CPT1C: variants seen among roughly 807,000 people sequenced by gnomAD.
CPT1C encodes palmitoyl thioesterase CPT1C.
CPT1C carries 61 observed loss-of-function variants against 97.3 expected under a neutral mutation model. The ratio of observed to expected loss-of-function variants is 0.63; its 90% CI spans 0.51 to 0.78. The LOEUF (loss-of-function observed/expected upper bound fraction) is 0.78, where lower values mean the gene tolerates loss of function less well. Among genes scored for constraint, CPT1C ranks in the 30% least tolerant of loss-of-function variants. The pLI is 0.00. For missense variants in CPT1C, 975 were observed against 1,065.5 expected, an observed-to-expected ratio of 0.92 and a Z score of 1.18; for synonymous variants, 469 against 447.2, an observed-to-expected ratio of 1.05 and a Z score of -0.61.
chr19:49,708,923 C>G lies in CPT1C; in HGVS notation c.1566+84C>G, dbSNP rs940814290. 5 of 884,040 alleles carry G rather than the reference C, an allele frequency of 5.7e-6. No homozygotes were observed. In the Admixed American group the frequency reaches 1.1e-4, roughly 20 times the overall value. 54.8% of individuals were successfully genotyped at this position (884,040 alleles called of 1,614,324 possible). Reference sequence around the variant, plus strand: ...AACTCATCCCCACCCCTAATCTGAACGTGAAAATCAACCCCATTCCTACCC... The same window carrying G: ...AACTCATCCCCACCCCTAATCTGAAGGTGAAAATCAACCCCATTCCTACCC... On this transcript the variant is annotated intron_variant, in intron 14 of 19. Transcript: ENST00000598293.
In CPT1C at chr19:49,692,403, G is replaced by A. The variant is rs138313329; in HGVS notation, c.141+10G>A. ...TCTCTCACGTTTCTGGGTGAGGAGC[G>A]GTGCTGGTCGGTTTCCTTCCGGGGA... On this transcript the variant is annotated intron_variant, in intron 3 of 19. Transcript: ENST00000598293. 6.1e-5 allele frequency: 98 copies of A among 1,613,712 alleles called. No individual in the cohort carries two copies. The African/African-American group carries it at 1.1e-3, about 19-fold the overall frequency.
In CPT1C at chr19:49,691,906, G is replaced by A. The variant is rs908925191; in HGVS notation, c.-15+17G>A. The stretch of plus-strand genomic sequence containing the variant: ...ACCCTTCAGGTGCTTAGAGAAGGAT[G>A]AGCTAGGTTATGTAGTCCTGGGTCG... On this transcript the variant is annotated intron_variant, in intron 2 of 19. Transcript: ENST00000598293. 1 of 267,312 alleles carries A rather than the reference G, an allele frequency of 3.7e-6. No individual in the cohort carries two copies. Among genetic ancestry groups the A allele is most frequent in the Admixed American group, 4.8e-5 (1 of 20,622 alleles). The allele number at this position is 267,312 out of a possible 1,614,324, so 16.6% of individuals were successfully genotyped here. A position where few individuals can be genotyped will look rare whatever the true frequency, so the allele number is the denominator to read the frequency against.
At chr19:49,712,081 G>A (rs112638321) in intron 17 of CPT1C, 120 bp downstream of exon 17, 47,944 of 1,237,812 alleles carry the variant, frequency 0.039, 1,999 homozygotes, top group Admixed American at 0.15. Flanking sequence ...GGTGGCTCAC[G>A]CCTGTAATCC....
rs746575054 is a variant in CPT1C at position 49,706,124 on chromosome 19, G to A, written c.1160+20G>A. On this transcript the variant is annotated intron_variant, in intron 11 of 19. Coordinates refer to ENST00000598293, the MANE Select transcript of CPT1C (RefSeq NM_001199753.2). The surrounding 1 kb of genome is among the most constrained non-coding windows in gnomAD (Gnocchi z 4.8). ...TCCCAGGTAAGGGTCAGGGGTCAGG[G>A]GTCAGGGGCTCTCAGAGGCCGCCAG... 4.4e-6 allele frequency: 7 copies of A among 1,600,546 alleles called. No homozygotes were observed. Among genetic ancestry groups the A allele is most frequent in the Non-Finnish European group, 5.1e-6 (6 of 1,172,096 alleles).
At position 49,692,221 on chromosome 19, in the gene CPT1C, T is replaced by C; in HGVS notation, c.-14-18T>C. On this transcript the variant is annotated intron_variant, in intron 2 of 19. Coordinates refer to ENST00000598293, the MANE Select transcript of CPT1C (RefSeq NM_001199753.2). ...GCGGAGGGGCTGGGGTCCTGAAGTA[T>C]GACTCTGCCCGACTCAGGGCTCCAG... 1 of 1,610,876 alleles carries C rather than the reference T, an allele frequency of 6.2e-7. No homozygotes were observed. Among genetic ancestry groups the C allele is most frequent in the Non-Finnish European group, 8.5e-7 (1 of 1,179,658 alleles).
intron 3 of CPT1C, among the ~76,000 whole-genome samples, chr19:49,692,984 G>C (rs1217201975): frequency 6.6e-6 from 1 of 152,166 alleles, no homozygotes. Flanking sequence ...CACCTCCCAG[G>C]TTCAAGCGAT....
intron 7 of CPT1C, 39 bp downstream of exon 7, chr19:49,701,673 G>A: frequency 1.3e-6 from 2 of 1,560,090 alleles, no homozygotes; most frequent in Non-Finnish European, 1.7e-6. Flanking sequence ...CACCTGAAGG[G>A]CTAAGGTTGT....
intron 14 of CPT1C, among the ~76,000 whole-genome samples, chr19:49,709,640 C>T (rs2083727268): frequency 6.6e-6 from 1 of 151,096 alleles, no homozygotes; most frequent in Non-Finnish European, 1.5e-5. Flanking sequence ...CTGCAACCTC[C>T]ATCTCCCAGG....
Position 49,702,822 on chromosome 19 carries a change from A to G in CPT1C, c.693+1188A>G, listed in dbSNP as rs80065206. 2.1e-4 allele frequency among the ~76,000 whole-genome samples: 32 copies of G among 151,736 alleles called. No individual in the cohort carries two copies. The East Asian group carries it at 6.2e-3, about 29-fold the overall frequency. On this transcript the variant is annotated intron_variant, in intron 7 of 19. Coordinates refer to ENST00000598293, the MANE Select transcript of CPT1C (RefSeq NM_001199753.2). ...AAGACTGGAGGGCGGGAGGCTGCAG[A>G]GGAAGCTACCGTGAGACCTACCATT...
At chr19:49,708,910 C>A in intron 14 of CPT1C, 71 bp downstream of exon 14, 2 of 956,036 alleles carry the variant, frequency 2.1e-6, no homozygotes, top group Non-Finnish European at 3.3e-6. Flanking sequence ...CTCATCCCCA[C>A]CCCTAATCTG....
rs371844232 is a variant in CPT1C at position 49,706,366 on chromosome 19, G to C, written c.1296G>C (p.Ser432=). ...TCACCAGGGAGGACCCGGCAGCGTCGTTGGATGCCTACGCCCATGCTCTGC... is the reference window on the plus strand; with the variant it reads ...TCACCAGGGAGGACCCGGCAGCGTCCTTGGATGCCTACGCCCATGCTCTGC... ...AGLTREDPAA[S]LDAYAHALLA... Residue 432 remains serine (S), a synonymous_variant, in exon 12 of 20, where the codon TCG becomes TCC. Coordinates refer to ENST00000598293, the MANE Select transcript of CPT1C (RefSeq NM_001199753.2). The surrounding 1 kb of genome is among the most constrained non-coding windows in gnomAD (Gnocchi z 4.8). 1 of 1,508,932 alleles carries C rather than the reference G, an allele frequency of 6.6e-7. No individual in the cohort carries two copies. Among genetic ancestry groups the C allele is most frequent in the Non-Finnish European group, 8.8e-7 (1 of 1,133,932 alleles). The allele number at this position is 1,508,932 out of a possible 1,614,324, so 93.5% of individuals were successfully genotyped here.
Position 49,706,268 on chromosome 19 carries a change from C to CA in CPT1C, c.1199dup (p.Ala401GlyfsTer20). On this transcript the variant is annotated frameshift_variant, in exon 12 of 20. Transcript: ENST00000598293. LOFTEE classifies it high-confidence loss of function. The surrounding 1 kb of genome is among the most constrained non-coding windows in gnomAD (Gnocchi z 4.8). Reference sequence around the variant, plus strand: ...CCAGGTGCGGACATCCCTGAAGACCCAGGCAGCGGAGGCCCTGGAGGCGGT... The same window carrying CA: ...CCAGGTGCGGACATCCCTGAAGACCCAAGGCAGCGGAGGCCCTGGAGGCGGT... 1 of 1,539,846 alleles carries CA rather than the reference C, an allele frequency of 6.5e-7. No individual in the cohort carries two copies. Among genetic ancestry groups the CA allele is most frequent in the Non-Finnish European group, 8.7e-7 (1 of 1,146,134 alleles).
At chr19:49,703,422 G>A (rs1238753014) in intron 7 of CPT1C, among the ~76,000 whole-genome samples, 2 of 148,196 alleles carry the variant, frequency 1.3e-5, no homozygotes, top group Non-Finnish European at 3.0e-5. Context: ...GGATGGTCTC[G>A]ACCTCCTGAC....
In CPT1C at chr19:49,713,613, C is replaced by T. The variant is rs373018685; in HGVS notation, c.*8C>T. 524 of 1,603,292 alleles carry T rather than the reference C, an allele frequency of 3.3e-4. 1 individual carries two copies. Among genetic ancestry groups the T allele is most frequent in the Non-Finnish European group, 4.4e-4 (511 of 1,174,676 alleles). Reference sequence around the variant, plus strand: ...ACATCCACCGACTTCTGACTCCTTCCAGCAGGCAGCTGGCCTCTCCAAGGA... The same window carrying T: ...ACATCCACCGACTTCTGACTCCTTCTAGCAGGCAGCTGGCCTCTCCAAGGA... On this transcript the variant is annotated 3_prime_UTR_variant, in exon 20 of 20. Transcript: ENST00000598293.
chr19:49,694,503 C>T (rs1302519204), intron 3 of CPT1C, among the ~76,000 whole-genome samples: 1 of 151,900 alleles, frequency 6.6e-6, no homozygotes, highest in East Asian at 1.9e-4. Context: ...GTGGCAGGCA[C>T]CTGTAATCAC....
At chr19:49,696,288 T>C (rs1011226446) in intron 3 of CPT1C, among the ~76,000 whole-genome samples, 1 of 152,098 alleles carries the variant, frequency 6.6e-6, no homozygotes, top group Non-Finnish European at 1.5e-5. Flanking sequence ...ATGTAGTAAG[T>C]GCTCATTAAA....
rs1386813346 is a variant in CPT1C at position 49,700,881 on chromosome 19, AG to A, written c.453+28del. 5 of 1,599,876 alleles carry A rather than the reference AG, an allele frequency of 3.1e-6. No homozygotes were observed. The African/African-American group carries it at 6.7e-5, about 21-fold the overall frequency. The stretch of plus-strand genomic sequence containing the variant: ...GTATGGGAGGGGCATAGCCCTGCTC[AG>A]GCTCTCCTGGGACCCGCTTATCTAT... On this transcript the variant is annotated intron_variant, in intron 5 of 19. Transcript: ENST00000598293.
intron 10 of CPT1C, among the ~76,000 whole-genome samples, chr19:49,705,509 C>T (rs2083450105): frequency 6.6e-6 from 1 of 152,228 alleles, no homozygotes; most frequent in Non-Finnish European, 1.5e-5. Flanking sequence ...GCCTGTAATC[C>T]CAGCACTTTG....
intron 4 of CPT1C, 34 bp downstream of exon 4, chr19:49,697,499 A>G (rs750529457): frequency 1.2e-6 from 2 of 1,605,618 alleles, no homozygotes; most frequent in Non-Finnish European, 1.7e-6. Flanking sequence ...AGTAACCCCC[A>G]ATCACTCTCC....
Sources: allele counts gnomAD v4.1 joint callset (sites outside exome capture counted in the v4.1 genomes callset), GRCh38; gene constraint gnomAD v4.1.1; non-coding constraint Gnocchi (gnomAD v3.1); transcripts MANE v1.5; gene names NCBI Gene and HGNC (gene_info 2026-07-23, HGNC 2026-07-21).